The following ACSM3 variants were observed in gnomAD, a reference collection of about 807,000 sequenced individuals.
ACSM3 encodes acyl-CoA synthetase medium chain family member 3.
A neutral mutation model predicts 74.1 loss-of-function variants in ACSM3; 61 were observed. That is an observed-to-expected ratio of 0.82 (90% CI 0.67 to 1.02). ACSM3 has a LOEUF of 1.02. Among genes scored for constraint, ACSM3 ranks in the 50% least tolerant of loss-of-function variants. ACSM3 has a pLI of 0.00. For synonymous variants in ACSM3, 213 were observed against 241.5 expected (o/e 0.88, Z 1.09); for missense variants, 660 against 697.0 (o/e 0.95, Z 0.60).
intron 1 of ACSM3, chr16:20,749,345 A>T (rs1405075726): frequency 6.6e-6 from 1 of 152,178 alleles, no homozygotes; most frequent in Non-Finnish European, 1.5e-5. Context: ...TAAGTGAAGC[A>T]TCTCTCTCCA....
chr16:20,796,203 C>T, intron 12 of ACSM3, 167 bp from the exon 13 acceptor site: 1 of 1,207,368 alleles, frequency 8.3e-7, no homozygotes, highest in East Asian at 2.6e-5. Context: ...GTATTAGGTA[C>T]AGACCAGGAA....
chr16:20,768,036 C>T (rs1390532489), intron 1 of ACSM3, among the ~76,000 whole-genome samples: 1 of 152,190 alleles, frequency 6.6e-6, no homozygotes, highest in Non-Finnish European at 1.5e-5. Flanking sequence ...GCAGCAGAGA[C>T]CATATGGCCC....
chr16:20,685,828 A>AAAG (rs2079540895), intron 1 of ACSM3, among the ~76,000 whole-genome samples: 1 of 107,250 alleles, frequency 9.3e-6, no homozygotes, highest in South Asian at 3.1e-4. Flanking sequence ...TCAAAAAAAA[A>AAAG]AAACAAACAA....
In ACSM3 at chr16:20,711,449, G is replaced by A. The variant is rs534233265; in HGVS notation, c.-190+36627G>A. ...CACAGAGTCTCACTTAAGGGATGGC[G>A]GTTCTGTTTAGTGTCCTTCCCAGGG... On this transcript the variant is annotated intron_variant, in intron 1 of 3. Transcript: ENST00000561584. 69 of 1,062,494 alleles carry A rather than the reference G, an allele frequency of 6.5e-5. No homozygotes were observed. The Admixed American group carries it at 7.0e-4, about 11-fold the overall frequency. The allele number at this position is 1,062,494 out of a possible 1,614,324, so 65.8% of individuals were successfully genotyped here.
intron 12 of ACSM3, chr16:20,796,108 G>A (rs372560330): frequency 2.4e-5 from 9 of 368,184 alleles, no homozygotes; most frequent in Middle Eastern, 7.7e-4. Flanking sequence ...CAAACTCAGC[G>A]TGACTACTGT....
At chr16:20,702,487 T>G (rs1357712118) in intron 1 of ACSM3, among the ~76,000 whole-genome samples, 1 of 152,198 alleles carries the variant, frequency 6.6e-6, no homozygotes, top group African/African-American at 2.4e-5. Context: ...TTTCCTGACT[T>G]TTTAATAATC....
At chr16:20,742,913 AC>A (rs1441777388) in intron 1 of ACSM3, among the ~76,000 whole-genome samples, 2 of 136,858 alleles carry the variant, frequency 1.5e-5, no homozygotes, top group African/African-American at 5.5e-5. Context: ...AAGGTTGTTT[AC>A]CCCCAAAGGT....
At chr16:20,700,599 TAA>T (rs148709061) in intron 1 of ACSM3, among the ~76,000 whole-genome samples, 11,582 of 151,532 alleles carry the variant, frequency 0.076, 581 homozygotes, top group Non-Finnish European at 0.12. Flanking sequence ...AGAAGTATGA[TAA>T]AGTGTGAGGT....
intron 1 of ACSM3, among the ~76,000 whole-genome samples, chr16:20,740,060 C>T (rs1320417428): frequency 6.6e-6 from 1 of 152,154 alleles, no homozygotes; most frequent in African/African-American, 2.4e-5. Flanking sequence ...AAAACCCTTA[C>T]TCTTGTTCTA....
chr16:20,776,023 T>C lies in ACSM3; in HGVS notation c.404T>C (p.Leu135Pro). Residue 135 changes from leucine to proline, a missense_variant, in exon 3 of 14, where the codon CTT becomes CCT. By Grantham distance (98) the Leu-to-Pro change is moderately conservative. Coordinates refer to ENST00000289416, the MANE Select transcript of ACSM3 (RefSeq NM_005622.4). ...LILPRVPEWW[L>P]ANVACLRTGT... is the part of the protein sequence containing the mutation. ...CTGCCCAGGGTCCCAGAGTGGTGGCTTGCAAATGTGGCCTGTCTGCGAACA... is the reference window on the plus strand; with the variant it reads ...CTGCCCAGGGTCCCAGAGTGGTGGCCTGCAAATGTGGCCTGTCTGCGAACA... 6.2e-7 allele frequency: 1 copy of C among 1,614,176 alleles called. No individual in the cohort carries two copies. Among genetic ancestry groups the C allele is most frequent in the Non-Finnish European group, 8.5e-7 (1 of 1,180,034 alleles).
At chr16:20,736,745 T>A (rs190709829) in intron 1 of ACSM3, 6 of 860,014 alleles carry the variant, frequency 7.0e-6, no homozygotes, top group Non-Finnish European at 1.1e-5. Context: ...TGCGCAATCA[T>A]TGCTCACTAC....
At position 20,786,162 on chromosome 16, in the gene ACSM3, T is replaced by C; in HGVS notation, c.1224+4T>C. On this transcript the variant is annotated splice_donor_region_variant and intron_variant, in intron 9 of 13. Transcript: ENST00000289416. Reference sequence around the variant, plus strand: ...TTCTCCTGCTTTCGATGTTAAGGTTTGCACATCCCCTTCCAGGAGAATGTT... The same window carrying C: ...TTCTCCTGCTTTCGATGTTAAGGTTCGCACATCCCCTTCCAGGAGAATGTT... 6.2e-7 allele frequency: 1 copy of C among 1,609,116 alleles called. No individual in the cohort carries two copies. The highest frequency in any genetic ancestry group is 1.3e-5 in the African/African-American group (1 of 74,688).
In ACSM3 at chr16:20,769,998, G is replaced by T. The variant is rs756316175; in HGVS notation, c.-37G>T. 1.2e-6 allele frequency: 2 copies of T among 1,602,452 alleles called. No homozygotes were observed. The highest frequency in any genetic ancestry group is 1.3e-5 in the African/African-American group (1 of 74,776). ...TTGTCTTTTAGATGAACTGGTCTCT[G>T]TGCAAATCCTGAGTGCTAAAGCTTC... is the stretch of plus-strand genomic sequence containing the variant. On this transcript the variant is annotated 5_prime_UTR_variant, in exon 2 of 14. Coordinates refer to ENST00000289416, the MANE Select transcript of ACSM3 (RefSeq NM_005622.4).
chr16:20,737,065 C>T, intron 1 of ACSM3: 1 of 1,614,170 alleles, frequency 6.2e-7, no homozygotes, highest in East Asian at 2.2e-5. Context: ...TCTGATTTGT[C>T]CGCAGATTCC....
intron 1 of ACSM3, among the ~76,000 whole-genome samples, chr16:20,739,623 C>T (rs1403535875): frequency 6.6e-6 from 1 of 151,924 alleles, no homozygotes; most frequent in Non-Finnish European, 1.5e-5. Flanking sequence ...AAGTTCGAGA[C>T]CAGCCTAGCC....
chr16:20,686,519 A>G (rs2079556760), intron 1 of ACSM3, among the ~76,000 whole-genome samples: 1 of 152,246 alleles, frequency 6.6e-6, no homozygotes, highest in Admixed American at 6.5e-5. Flanking sequence ...TAGCTAATGC[A>G]TGCGGGGTTT....
chr16:20,790,658 C>T lies in ACSM3; in HGVS notation c.1296C>T (p.Asn432=), dbSNP rs754224784. The T allele has an allele frequency of 1.3e-5, 21 of 1,614,038 alleles. No homozygotes were observed. Among genetic ancestry groups the T allele is most frequent in the Admixed American group, 1.2e-4 (7 of 60,004 alleles). ...ATATTGGCATTCAAGTTCTACCCAA[C>T]CGACCATTTGGCCTTTTTACTCATT... is the stretch of plus-strand genomic sequence containing the variant. ...EGDIGIQVLP[N]RPFGLFTHYV... Residue 432 remains asparagine, a synonymous_variant, in exon 10 of 14, where the codon AAC becomes AAT. Transcript: ENST00000289416. The surrounding 1 kb of genome is among the most constrained non-coding windows in gnomAD (Gnocchi z 4.0).
intron 1 of ACSM3, among the ~76,000 whole-genome samples, chr16:20,695,554 G>GTCTATCTATCTA (rs3073746): frequency 6.6e-6 from 1 of 151,240 alleles, no homozygotes; most frequent in African/African-American, 2.4e-5. Context: ...CTGATTATCT[G>GTCTATCTATCTA]TCTATCTATC....
intron 1 of ACSM3, chr16:20,736,843 C>G: frequency 6.3e-7 from 1 of 1,595,818 alleles, no homozygotes; most frequent in Non-Finnish European, 8.6e-7. Flanking sequence ...TCGTAGAGCC[C>G]CAGGTGAGAA....
Sources: allele counts gnomAD v4.1 joint callset (sites outside exome capture counted in the v4.1 genomes callset), GRCh38; gene constraint gnomAD v4.1.1; non-coding constraint Gnocchi (gnomAD v3.1); transcripts MANE v1.5; gene names NCBI Gene and HGNC (gene_info 2026-07-23, HGNC 2026-07-21).